The following ADAM12 variants were observed in gnomAD, a reference collection of about 807,000 sequenced individuals.
ADAM12 encodes ADAM metallopeptidase domain 12, also known as disintegrin and metalloproteinase domain-containing protein 12.
A neutral mutation model predicts 106.4 loss-of-function variants in ADAM12; 70 were observed. The observed-to-expected ratio is 0.66, with a 90% CI of 0.54 to 0.80. The LOEUF is 0.80. Ranked by LOEUF, ADAM12 falls within the 30% of genes least tolerant of loss-of-function variation. The pLI is 0.00. For missense variants in ADAM12, 1,010 were observed against 1,171.9 expected, an observed-to-expected ratio of 0.86 and a Z score of 2.02; for synonymous variants, 420 against 433.5, an observed-to-expected ratio of 0.97 and a Z score of 0.39.
chr10:126,020,382 T>C (rs1385350006), intron 21 of ADAM12, among the ~76,000 whole-genome samples: 2 of 152,080 alleles, frequency 1.3e-5, no homozygotes, highest in African/African-American at 4.8e-5. Flanking sequence ...CTCAGAGAAT[T>C]GATGCAGTGG....
chr10:126,063,552 G>A (rs926793913), intron 14 of ADAM12, among the ~76,000 whole-genome samples: 1 of 152,186 alleles, frequency 6.6e-6, no homozygotes, highest in Non-Finnish European at 1.5e-5. Flanking sequence ...GATCCTGCCT[G>A]ATTCTGCTTG....
intron 3 of ADAM12, among the ~76,000 whole-genome samples, chr10:126,254,588 C>T (rs945292562): frequency 1.3e-4 from 20 of 152,146 alleles, no homozygotes; most frequent in African/African-American, 4.3e-4. Flanking sequence ...ATTCCACACC[C>T]GGTCCAGGCG....
chr10:126,063,164 G>T (rs896199502), intron 14 of ADAM12, among the ~76,000 whole-genome samples: 1 of 152,168 alleles, frequency 6.6e-6, no homozygotes. Flanking sequence ...GGAACTGCAG[G>T]CCTCCCCATC....
chr10:126,262,976 G>A (rs763962008), intron 3 of ADAM12, among the ~76,000 whole-genome samples: 2 of 152,178 alleles, frequency 1.3e-5, no homozygotes, highest in Non-Finnish European at 2.9e-5. Flanking sequence ...ACTGCTCTGG[G>A]CACTGAGATG....
intron 3 of ADAM12, among the ~76,000 whole-genome samples, chr10:126,238,032 A>G (rs1253832372): frequency 6.6e-6 from 1 of 152,238 alleles, no homozygotes; most frequent in Non-Finnish European, 1.5e-5. Context: ...AGCAACGACA[A>G]TTGTTAGCTA....
intron 3 of ADAM12, among the ~76,000 whole-genome samples, chr10:126,161,348 ACAGCAGGGTCAAATGAC>A (rs528380820): frequency 8.5e-4 from 129 of 152,202 alleles, no homozygotes; most frequent in Non-Finnish European, 1.6e-3. Context: ...AAACCAAGAC[ACAGCAGGGTCAAATGAC>A]CTGCCCAAGG....
intron 14 of ADAM12, among the ~76,000 whole-genome samples, chr10:126,062,694 G>A (rs1404337792): frequency 6.6e-6 from 1 of 152,200 alleles, no homozygotes; most frequent in East Asian, 1.9e-4. Flanking sequence ...ACCTCACTCT[G>A]GAAACGGGGC....
Position 126,253,589 on chromosome 10 carries a change from G to A in ADAM12, c.260+25326C>T, listed in dbSNP as rs2279754. 9.8e-3 allele frequency among the ~76,000 whole-genome samples: 1,498 copies of A among 152,312 alleles called. 41 individuals are homozygous for A. The East Asian group carries it at 0.12, about 12-fold the overall frequency. ...TTAGAACAAGACATCTGCTTCTCGT[G>A]TGGCAGAGCTTGGGCTAAGAGGGGG... On this transcript the variant is annotated intron_variant, in intron 3 of 22. Transcript: ENST00000448723.
At chr10:126,225,198 A>G (rs562474813) in intron 3 of ADAM12, among the ~76,000 whole-genome samples, 3 of 152,240 alleles carry the variant, frequency 2.0e-5, no homozygotes, top group Admixed American at 6.5e-5. Context: ...CGACCCCTGG[A>G]AAGGGTGGCC....
intron 2 of ADAM12, among the ~76,000 whole-genome samples, chr10:126,306,947 C>T (rs1363967616): frequency 6.6e-5 from 10 of 152,158 alleles, no homozygotes; most frequent in South Asian, 2.1e-4. Flanking sequence ...TTAGACATTG[C>T]TTCTTTCCCA....
At chr10:126,198,402 C>T (rs900002378) in intron 3 of ADAM12, among the ~76,000 whole-genome samples, 4 of 152,346 alleles carry the variant, frequency 2.6e-5, no homozygotes, top group South Asian at 4.2e-4. Flanking sequence ...GTCTCATCAC[C>T]CACATGCTGG....
intron 3 of ADAM12, among the ~76,000 whole-genome samples, chr10:126,256,483 T>C (rs1958894731): frequency 6.6e-6 from 1 of 152,204 alleles, no homozygotes; most frequent in African/African-American, 2.4e-5. Flanking sequence ...TCCCTCTGCA[T>C]TGATAGAGGT....
chr10:126,066,831 T>C lies in ADAM12; in HGVS notation c.1324-25A>G. The C allele has an allele frequency of 1.9e-6, 3 of 1,602,524 alleles. No individual in the cohort carries two copies. Among genetic ancestry groups the C allele is most frequent in the Non-Finnish European group, 2.6e-6 (3 of 1,169,706 alleles). ...CCTGGAAAGGGGAATGGCATTTGTT[T>C]GACAGGGTCTTATGGAGTATGCACT... On this transcript the variant is annotated intron_variant, in intron 12 of 22. Coordinates refer to ENST00000448723, the MANE Select transcript of ADAM12 (RefSeq NM_001288973.2). The surrounding 1 kb of genome is among the most constrained non-coding windows in gnomAD (Gnocchi z 5.1).
intron 2 of ADAM12, among the ~76,000 whole-genome samples, chr10:126,290,268 C>T (rs1040267262): frequency 6.6e-6 from 1 of 152,164 alleles, no homozygotes; most frequent in Non-Finnish European, 1.5e-5. Flanking sequence ...GAAATGGGTT[C>T]TCCCCCAGAG....
At chr10:126,275,489 T>C (rs1004611082) in intron 3 of ADAM12, among the ~76,000 whole-genome samples, 2 of 152,190 alleles carry the variant, frequency 1.3e-5, no homozygotes, top group Non-Finnish European at 1.5e-5. Flanking sequence ...TTCAGCCCTG[T>C]GCCATGAAGA....
At chr10:126,338,346 G>A (rs1054640262) in intron 1 of ADAM12, among the ~76,000 whole-genome samples, 49 of 135,470 alleles carry the variant, frequency 3.6e-4, no homozygotes, top group South Asian at 9.7e-4. Context: ...TCCGCCTCCC[G>A]GGTTCCCGCC....
rs535329369 is a variant in ADAM12 at position 126,201,782 on chromosome 10, T to C, written c.261-46477A>G. Among the ~76,000 whole-genome samples the C allele has an allele frequency of 7.9e-5, 12 of 152,064 alleles. 1 individual carries two copies. In the South Asian group the frequency reaches 2.5e-3, roughly 32 times the overall value. ...TGAAATGAAGAAAGAAAAAGGGAAGTGGTAAGAACCCAGAGAACCGAGGTG... is the reference window on the plus strand; with the variant it reads ...TGAAATGAAGAAAGAAAAAGGGAAGCGGTAAGAACCCAGAGAACCGAGGTG... On this transcript the variant is annotated intron_variant, in intron 3 of 22. Transcript: ENST00000448723.
rs959993539 is a variant in ADAM12, at chr10:126,049,751, C to T, written c.1610-82G>A. On this transcript the variant is annotated intron_variant, in intron 14 of 22. Coordinates refer to ENST00000448723, the MANE Select transcript of ADAM12 (RefSeq NM_001288973.2). The surrounding 1 kb of genome is among the most constrained non-coding windows in gnomAD (Gnocchi z 4.4). ...TGGCTGTAGGCCTCTCAAATGGTTA[C>T]GGGGAGACGTGCTCAAAGCAATCAC... is the stretch of plus-strand genomic sequence containing the variant. 4.2e-5 allele frequency: 52 copies of T among 1,229,262 alleles called. No homozygotes were observed. The highest frequency in any genetic ancestry group is 2.4e-4 in the Middle Eastern group (1 of 4,234). The allele number at this position is 1,229,262 out of a possible 1,614,324, so 76.1% of individuals were successfully genotyped here.
In ADAM12 at chr10:126,051,484, GCCACCCGTCCAT is replaced by G. The variant is rs1305132676; in HGVS notation, c.1610-1827_1610-1816del. On this transcript the variant is annotated intron_variant, in intron 14 of 22. Coordinates refer to ENST00000448723, the MANE Select transcript of ADAM12 (RefSeq NM_001288973.2). ...ACCCGTCCATCCATCCGTCCAGCCA[GCCACCCGTCCAT>G]CCACCCGTCCATCCATCCATCCATC... is the stretch of plus-strand genomic sequence containing the variant. 5.8e-4 allele frequency among the ~76,000 whole-genome samples: 75 copies of G among 130,278 alleles called. 1 individual carries two copies. The highest frequency in any genetic ancestry group is 9.6e-4 in the African/African-American group (31 of 32,236). The allele number at this position is 130,278 out of a possible 152,430, so 85.5% of individuals were successfully genotyped here. A position where few individuals can be genotyped will look rare whatever the true frequency, so the allele number is the denominator to read the frequency against.
Sources: gnomAD v4.1 joint callset for allele counts (sites outside exome capture counted in the v4.1 genomes callset) on GRCh38, gnomAD v4.1.1 for gene constraint, Gnocchi (gnomAD v3.1) non-coding constraint, MANE v1.5 for transcripts, NCBI Gene and HGNC (gene_info 2026-07-23, HGNC 2026-07-21) for gene names.